PRR29: variants seen among roughly 807,000 people sequenced by gnomAD.
The protein encoded by PRR29 is proline-rich protein 29.
PRR29 carries 20 observed loss-of-function variants against 25.1 expected under a neutral mutation model. The observed-to-expected ratio is 0.80, with a 90% CI of 0.56 to 1.16. The LOEUF is 1.16. PRR29 is among the 50% of genes most tolerant of loss of function. The pLI is 0.00. For missense variants in PRR29, 238 were observed against 246.6 expected (o/e 0.97, Z 0.23); for synonymous variants, 108 against 102.6 (o/e 1.05, Z -0.32).
intron 2 of PRR29, 88 bp from the exon 3 acceptor site, chr17:63,998,880 C>G (rs1171364983): frequency 1.4e-6 from 2 of 1,392,248 alleles, no homozygotes; most frequent in South Asian, 2.5e-5. Context: ...GCACAACCCG[C>G]CAACCCATTC....
chr17:64,004,064 G>T lies in PRR29; in HGVS notation c.*2303G>T. 4.2e-6 allele frequency: 4 copies of T among 945,446 alleles called. No individual in the cohort carries two copies. Among genetic ancestry groups the T allele is most frequent in the Non-Finnish European group, 6.2e-6 (4 of 641,716 alleles). 58.6% of individuals were successfully genotyped at this position (945,446 alleles called of 1,614,324 possible). On this transcript the variant is annotated 3_prime_UTR_variant, in exon 6 of 6. Coordinates refer to ENST00000412177, the MANE Select transcript of PRR29 (RefSeq NM_001164257.2). Reference sequence around the variant, plus strand: ...TCTCCTGTCACCATGGTGTTCCACGGTTGGGGAGGAGGTGGCCTGGCCGGC... The same window carrying T: ...TCTCCTGTCACCATGGTGTTCCACGTTTGGGGAGGAGGTGGCCTGGCCGGC...
Position 64,003,672 on chromosome 17 carries a change from G to A in PRR29, c.*1911G>A, listed in dbSNP as rs1352177312. 1 of 1,613,970 alleles carries A rather than the reference G, an allele frequency of 6.2e-7. No individual in the cohort carries two copies. Among genetic ancestry groups the A allele is most frequent in the Admixed American group, 1.7e-5 (1 of 60,004 alleles). The stretch of plus-strand genomic sequence containing the variant: ...AGATCTCCAACATCTTCGGGGCTGA[G>A]TGTTTGTGAAAGATGTTGCCACCGC... On this transcript the variant is annotated 3_prime_UTR_variant, in exon 6 of 6. Transcript: ENST00000412177.
At chr17:63,999,168 G>A in intron 3 of PRR29, 94 bp downstream of exon 3, 1 of 952,904 alleles carries the variant, frequency 1.0e-6, no homozygotes, top group Non-Finnish European at 1.6e-6. Context: ...AGAACTGGGA[G>A]ACAGAGGAGC....
rs769264742 is a variant in PRR29, at chr17:64,002,717, C to T, written c.*956C>T. 29 of 1,599,756 alleles carry T rather than the reference C, an allele frequency of 1.8e-5. No homozygotes were observed. Among genetic ancestry groups the T allele is most frequent in the Non-Finnish European group, 2.5e-5 (29 of 1,173,620 alleles). ...GAGTCACACTGAGTTCCAGTGACCA[C>T]CGTGGTGGTGGCCATGCCACTCATG... On this transcript the variant is annotated 3_prime_UTR_variant, in exon 6 of 6. Coordinates refer to ENST00000412177, the MANE Select transcript of PRR29 (RefSeq NM_001164257.2).
In PRR29 at chr17:64,001,267, G is replaced by A. The variant is rs1378066170; in HGVS notation, c.427G>A (p.Val143Met). ...TGCTTGTCAGCCCTACTTGCAGGAC[G>A]TGCCCAGGATTCAGCACTGTCCTGC... ...TPACQPYLQD[V>M]PRIQHCPASR... The change falls in exon 4 of 6, where the codon GTG (valine) becomes ATG (methionine). Residue 143 changes from valine to methionine, a missense_variant. Coordinates refer to ENST00000412177, the MANE Select transcript of PRR29 (RefSeq NM_001164257.2). 1.4e-5 allele frequency: 21 copies of A among 1,537,140 alleles called. No individual in the cohort carries two copies. The highest frequency in any genetic ancestry group is 1.7e-4 in the Middle Eastern group (1 of 6,006).
intron 3 of PRR29, among the ~76,000 whole-genome samples, chr17:64,000,146 G>T (rs1019486796): frequency 1.3e-5 from 2 of 152,164 alleles, no homozygotes; most frequent in Non-Finnish European, 2.9e-5. Context: ...GGGTCCAGGG[G>T]CCGGGGGTGA....
chr17:64,000,683 C>T (rs911860651), intron 3 of PRR29, among the ~76,000 whole-genome samples: 1 of 149,874 alleles, frequency 6.7e-6, no homozygotes, highest in Non-Finnish European at 1.5e-5. Flanking sequence ...GATGGAGTCT[C>T]GCTCTGCCGC....
Position 64,003,352 on chromosome 17 carries a change from C to G in PRR29, c.*1591C>G. 2.1e-6 allele frequency: 1 copy of G among 483,046 alleles called. No individual in the cohort carries two copies. Among genetic ancestry groups the G allele is most frequent in the Non-Finnish European group, 3.7e-6 (1 of 267,614 alleles). The allele number at this position is 483,046 out of a possible 1,614,324, so 29.9% of individuals were successfully genotyped here. A position where few individuals can be genotyped will look rare whatever the true frequency, so the allele number is the denominator to read the frequency against. ...CTCTGGGGACCTCAGTGGGGGCAGT[C>G]AGGCCAAACTTCTCATTGTGGAGGG... is the stretch of plus-strand genomic sequence containing the variant. On this transcript the variant is annotated 3_prime_UTR_variant, in exon 6 of 6. Transcript: ENST00000412177.
Position 64,003,743 on chromosome 17 carries a change from C to T in PRR29, c.*1982C>T. ...GCCAGGCAGGAGAAGTTGCGGTGGC[C>T]ATCCTCTCTGTCAGCCGTGCTGTTG... On this transcript the variant is annotated 3_prime_UTR_variant, in exon 6 of 6. Transcript: ENST00000412177. 1 of 1,614,230 alleles carries T rather than the reference C, an allele frequency of 6.2e-7. No homozygotes were observed. The highest frequency in any genetic ancestry group is 2.2e-5 in the East Asian group (1 of 44,886).
At position 63,998,709 on chromosome 17, in the gene PRR29, C is replaced by A; in HGVS notation, c.63C>A (p.Pro21=). ...GCTGACTCCGCGCACACCCCCAGCC[C>A]TGGGTCACCTTCCTGCAGCCCCTCT... ...RSPPQSAVPT[P]WVTFLQPLSW... The change falls in exon 2 of 6, where the codon CCC becomes CCA. Residue 21 remains proline, a splice_region_variant and synonymous_variant. Transcript: ENST00000412177. The A allele has an allele frequency of 6.6e-7, 1 of 1,524,636 alleles. No homozygotes were observed. Among genetic ancestry groups the A allele is most frequent in the Non-Finnish European group, 8.8e-7 (1 of 1,140,080 alleles). The allele number at this position is 1,524,636 out of a possible 1,614,324, so 94.4% of individuals were successfully genotyped here.
chr17:64,000,880 A>C (rs1473601272), intron 3 of PRR29: 2 of 553,644 alleles, frequency 3.6e-6, no homozygotes, highest in South Asian at 4.1e-5. Context: ...GTTAGCCAGG[A>C]TGGTCTCAAT....
chr17:64,001,346 G>A (rs1031476284), intron 4 of PRR29, 36 bp downstream of exon 4: 11 of 1,522,968 alleles, frequency 7.2e-6, no homozygotes, highest in African/African-American at 1.4e-5. Flanking sequence ...GTTCTGCTCT[G>A]GGCTGGAAGT....
chr17:63,999,657 T>A (rs1598004483), intron 3 of PRR29: 3 of 165,050 alleles, frequency 1.8e-5, no homozygotes, highest in African/African-American at 7.3e-5. Flanking sequence ...AGGGGCAGAG[T>A]CAGGAGACAG....
intron 3 of PRR29, 104 bp from the exon 4 acceptor site, chr17:64,000,980 C>A: frequency 9.8e-7 from 1 of 1,024,868 alleles, no homozygotes. Flanking sequence ...GCCATTCTTA[C>A]AAAGCCTATC....
rs767108086 is a variant in PRR29 at position 64,003,892 on chromosome 17, C to A, written c.*2131C>A. The A allele has an allele frequency of 1.9e-6, 3 of 1,614,192 alleles. No homozygotes were observed. The highest frequency in any genetic ancestry group is 2.5e-6 in the Non-Finnish European group (3 of 1,180,024). ...CAGGGGCTCCACGGTGGGCACCCTG[C>A]ACTCAATGGTGAAGGACTTGCCCAC... On this transcript the variant is annotated 3_prime_UTR_variant, in exon 6 of 6. Transcript: ENST00000412177.
At position 64,004,158 on chromosome 17, in the gene PRR29, T is replaced by C. The variant is rs1911040584; in HGVS notation, c.*2397T>C. The C allele has an allele frequency of 3.5e-6, 2 of 569,504 alleles. No individual in the cohort carries two copies. The highest frequency in any genetic ancestry group is 3.1e-6 in the Non-Finnish European group (1 of 320,830). The allele number at this position is 569,504 out of a possible 1,614,324, so 35.3% of individuals were successfully genotyped here. On this transcript the variant is annotated 3_prime_UTR_variant, in exon 6 of 6. Transcript: ENST00000412177. ...GGACTGTGTGGTAGTTTTACAGACA[T>C]GATGGTTTCCGGTGACCAGGTGTCT... is the stretch of plus-strand genomic sequence containing the variant.
Position 64,002,770 on chromosome 17 carries a change from G to A in PRR29, c.*1009G>A. ...TGCTATGGCCGGAAGGCCTGGGGCA[G>A]CCTCCTCCAAGCCGCTCGCACCCCG... On this transcript the variant is annotated 3_prime_UTR_variant, in exon 6 of 6. Transcript: ENST00000412177. 1 of 1,612,424 alleles carries A rather than the reference G, an allele frequency of 6.2e-7. No individual in the cohort carries two copies. Among genetic ancestry groups the A allele is most frequent in the South Asian group, 1.1e-5 (1 of 91,000 alleles).
chr17:64,002,844 A>G lies in PRR29; in HGVS notation c.*1083A>G. On this transcript the variant is annotated 3_prime_UTR_variant, in exon 6 of 6. Transcript: ENST00000412177. ...CAAGTGCTGGCCGAAGATGAAGCAG[A>G]GCAGGACAGATGTCACGAACAGGGA... The G allele has an allele frequency of 6.2e-7, 1 of 1,614,010 alleles. No individual in the cohort carries two copies. The highest frequency in any genetic ancestry group is 8.5e-7 in the Non-Finnish European group (1 of 1,179,994).
At chr17:64,000,997 A>T in intron 3 of PRR29, 87 bp from the exon 4 acceptor site, 2 of 1,148,914 alleles carry the variant, frequency 1.7e-6, no homozygotes, top group Non-Finnish European at 2.5e-6. Context: ...TATCTGGAGG[A>T]AATAACTTAG....
Sources: gnomAD v4.1 joint callset for allele counts (sites outside exome capture counted in the v4.1 genomes callset) on GRCh38, gnomAD v4.1.1 for gene constraint, MANE v1.5 for transcripts, NCBI Gene and HGNC (gene_info 2026-07-23, HGNC 2026-07-21) for gene names.